Variants in SLFN5 observed in about 807,000 individuals in gnomAD.
SLFN5 encodes the protein schlafen family member 5.
In SLFN5, 34 loss-of-function variants were observed where a neutral mutation model predicts 48.5. The ratio of observed to expected loss-of-function variants is 0.70; its 90% CI spans 0.53 to 0.93. The LOEUF (loss-of-function observed/expected upper bound fraction) is 0.93. Ranked by LOEUF, SLFN5 falls within the 40% of genes least tolerant of loss-of-function variation. The probability of loss-of-function intolerance (pLI) is 0.00; values close to 1 mark genes in which losing one functional copy is unlikely to be tolerated. For synonymous variants in SLFN5, 387 were observed against 396.2 expected (o/e 0.98, Z 0.28); for missense variants, 1,006 against 1,071.3 (o/e 0.94, Z 0.85).
At position 35,265,941 on chromosome 17, in the gene SLFN5, G is replaced by A; in HGVS notation, c.*53G>A. On this transcript the variant is annotated 3_prime_UTR_variant, in exon 5 of 5. Coordinates refer to ENST00000299977, the MANE Select transcript of SLFN5 (RefSeq NM_144975.4). ...AAGTGGTTCTCATCTCTAATTAACT[G>A]TGAAACCATTTAATCCAAACATGTA... 6.7e-7 allele frequency: 1 copy of A among 1,501,966 alleles called. No individual in the cohort carries two copies. 93.0% of individuals were successfully genotyped at this position (1,501,966 alleles called of 1,614,324 possible).
chr17:35,249,172 G>A (rs544580331), intron 1 of SLFN5, among the ~76,000 whole-genome samples: 2 of 152,122 alleles, frequency 1.3e-5, no homozygotes, highest in East Asian at 1.9e-4. Context: ...CATGAAATTG[G>A]AGACTTAATT....
intron 1 of SLFN5, among the ~76,000 whole-genome samples, chr17:35,251,622 G>T (rs1367444176): frequency 6.6e-6 from 1 of 150,440 alleles, no homozygotes; most frequent in South Asian, 2.1e-4. Context: ...AGCCAGGATG[G>T]TCTCAATCTC....
At position 35,265,713 on chromosome 17, in the gene SLFN5, A is replaced by G. The variant is rs763894131; in HGVS notation, c.2501A>G (p.Asp834Gly). 2 of 1,614,086 alleles carry G rather than the reference A, an allele frequency of 1.2e-6. No individual in the cohort carries two copies. The highest frequency in any genetic ancestry group is 2.2e-5 in the East Asian group (1 of 44,888). ...DLLLQIGDASDVLTDHIVLDS... is the reference protein window; with the variant it reads ...DLLLQIGDASGVLTDHIVLDS... ...TTACTACAGATCGGTGATGCGTCGGATGTTCTAACCGATCACATTGTGTTG... is the reference window on the plus strand; with the variant it reads ...TTACTACAGATCGGTGATGCGTCGGGTGTTCTAACCGATCACATTGTGTTG... Residue 834 changes from aspartate (D) to glycine (G), a missense_variant, in exon 5 of 5, where the codon GAT becomes GGT. Coordinates refer to ENST00000299977, the MANE Select transcript of SLFN5 (RefSeq NM_144975.4).
chr17:35,257,393 C>G (rs1163771182), intron 1 of SLFN5, among the ~76,000 whole-genome samples: 1 of 152,160 alleles, frequency 6.6e-6, no homozygotes. Context: ...CACCAAGGAC[C>G]TGCCATTCCA....
intron 1 of SLFN5, among the ~76,000 whole-genome samples, chr17:35,246,260 A>AT (rs764171637): frequency 2.6e-5 from 4 of 152,128 alleles, no homozygotes; most frequent in Non-Finnish European, 5.9e-5. Context: ...ATTTGCAAAT[A>AT]CCTTCTTCCA....
intron 1 of SLFN5, among the ~76,000 whole-genome samples, chr17:35,258,261 TCA>T (rs1202731199): frequency 2.0e-5 from 3 of 152,202 alleles, no homozygotes; most frequent in African/African-American, 7.2e-5. Context: ...TTTAATGGAC[TCA>T]CAGTTCCACA....
chr17:35,270,681 C>T lies in SLFN5; in HGVS notation c.*4793C>T, dbSNP rs1904809282. On this transcript the variant is annotated 3_prime_UTR_variant, in exon 5 of 5. Transcript: ENST00000299977. Reference sequence around the variant, plus strand: ...GGCACTGCTGGCTTTTTGGGCTGGACAACCATTTATTGTGAGAGGCTTCTC... The same window carrying T: ...GGCACTGCTGGCTTTTTGGGCTGGATAACCATTTATTGTGAGAGGCTTCTC... 1 of 152,220 alleles carries T rather than the reference C, an allele frequency of 6.6e-6. No homozygotes were observed. Among genetic ancestry groups the T allele is most frequent in the Admixed American group, 6.5e-5 (1 of 15,272 alleles). The allele number at this position is 152,220 out of a possible 1,614,324, so 9.4% of individuals were successfully genotyped here.
chr17:35,250,532 C>T (rs986480690), intron 1 of SLFN5, among the ~76,000 whole-genome samples: 2 of 151,982 alleles, frequency 1.3e-5, no homozygotes, highest in African/African-American at 4.8e-5. Context: ...TGGTGGCGGG[C>T]GCCTGTAGTC....
At chr17:35,245,972 C>T (rs966414561) in intron 1 of SLFN5, among the ~76,000 whole-genome samples, 1 of 152,134 alleles carries the variant, frequency 6.6e-6, no homozygotes, top group African/African-American at 2.4e-5. Flanking sequence ...GAGTATATGA[C>T]GATGCCCATT....
At chr17:35,264,983 A>G (rs1904632753) in intron 4 of SLFN5, 80 bp downstream of exon 4, 2 of 1,535,654 alleles carry the variant, frequency 1.3e-6, no homozygotes, top group East Asian at 2.2e-5. Context: ...GCTAAAATTC[A>G]TATTGTATTT....
rs1904814667 is a variant in SLFN5, at chr17:35,270,856, G to A, written c.*4968G>A. On this transcript the variant is annotated 3_prime_UTR_variant, in exon 5 of 5. Coordinates refer to ENST00000299977, the MANE Select transcript of SLFN5 (RefSeq NM_144975.4). ...GACATCGCCAAATGTCCCTTGGGGG[G>A]TAAAATCACCACCACCATACCTCTT... is the stretch of plus-strand genomic sequence containing the variant. 1 of 152,128 alleles carries A rather than the reference G, an allele frequency of 6.6e-6. No homozygotes were observed. Among genetic ancestry groups the A allele is most frequent in the Admixed American group, 6.5e-5 (1 of 15,276 alleles). The allele number at this position is 152,128 out of a possible 1,614,324, so 9.4% of individuals were successfully genotyped here.
chr17:35,258,308 G>A (rs1027506988), intron 1 of SLFN5, among the ~76,000 whole-genome samples: 2 of 152,170 alleles, frequency 1.3e-5, no homozygotes, highest in Non-Finnish European at 2.9e-5. Flanking sequence ...GGTGGACGGT[G>A]AAAGGCACGT....
At position 35,243,289 on chromosome 17, in the gene SLFN5, C is replaced by G. The variant is rs981485039; in HGVS notation, c.-41+146C>G. 103 of 152,434 alleles carry G rather than the reference C, an allele frequency of 6.8e-4. 1 individual carries two copies. Among genetic ancestry groups the G allele is most frequent in the African/African-American group, 2.4e-3 (101 of 41,572 alleles). The allele number at this position is 152,434 out of a possible 1,614,324, so 9.4% of individuals were successfully genotyped here. The stretch of plus-strand genomic sequence containing the variant: ...GGCGCTGCCGGGAGAGAGTCTTTCC[C>G]GCTGGGGAGATTTAGTTTGTTGACT... On this transcript the variant is annotated intron_variant, in intron 1 of 4. Transcript: ENST00000299977.
At chr17:35,261,163 A>T in intron 3 of SLFN5, 67 bp downstream of exon 3, 2 of 1,563,982 alleles carry the variant, frequency 1.3e-6, no homozygotes, top group South Asian at 2.3e-5. Context: ...ATTGACTCCT[A>T]CTTTATATTA....
In SLFN5 at chr17:35,258,713, A is replaced by T; in HGVS notation, c.23A>T (p.Asp8Val). The T allele has an allele frequency of 6.2e-7, 1 of 1,613,884 alleles. No individual in the cohort carries two copies. Among genetic ancestry groups the T allele is most frequent in the Non-Finnish European group, 8.5e-7 (1 of 1,179,870 alleles). MSLRIDV[D>V]TNFPECVVDA... ...AAGATGAGTCTTAGGATTGATGTGG[A>T]TACAAACTTTCCTGAGTGTGTTGTA... Residue 8 changes from aspartate (D) to valine (V), a missense_variant, in exon 2 of 5, where the codon GAT becomes GTT. By Grantham distance (152) the Asp-to-Val change is radical (BLOSUM62 -3). Coordinates refer to ENST00000299977, the MANE Select transcript of SLFN5 (RefSeq NM_144975.4).
At position 35,265,373 on chromosome 17, in the gene SLFN5, T is replaced by C; in HGVS notation, c.2161T>C (p.Tyr721His). The change falls in exon 5 of 5, where the codon TAC becomes CAC. Residue 721 changes from tyrosine (Y) to histidine (H), a missense_variant. By Grantham distance (83) the Tyr-to-His change is moderately conservative (BLOSUM62 2). Coordinates refer to ENST00000299977, the MANE Select transcript of SLFN5 (RefSeq NM_144975.4). ...CCGCAATGCAGGTCCAATAGCTAAT[T>C]ACCTACAACAAGTAATGCAGGAAGC... ...VVRNAGPIAN[Y>H]LQQVMQEARQ... 3 of 1,614,124 alleles carry C rather than the reference T, an allele frequency of 1.9e-6. No individual in the cohort carries two copies. The highest frequency in any genetic ancestry group is 2.5e-6 in the Non-Finnish European group (3 of 1,180,030).
At position 35,260,955 on chromosome 17, in the gene SLFN5, G is replaced by A; in HGVS notation, c.1013-16G>A. 6.2e-7 allele frequency: 1 copy of A among 1,612,528 alleles called. No homozygotes were observed. The highest frequency in any genetic ancestry group is 8.5e-7 in the Non-Finnish European group (1 of 1,179,188). ...TGCCTTTTTGCATATTGAATCCTTG[G>A]TTCTTGTTTCCTAAGACCTTTCCAG... On this transcript the variant is annotated splice_polypyrimidine_tract_variant and intron_variant, in intron 2 of 4. Coordinates refer to ENST00000299977, the MANE Select transcript of SLFN5 (RefSeq NM_144975.4).
chr17:35,264,023 G>A (rs1332954795), intron 3 of SLFN5, among the ~76,000 whole-genome samples, 160 bp from the exon 4 acceptor site: 2 of 151,768 alleles, frequency 1.3e-5, no homozygotes, highest in Non-Finnish European at 1.5e-5. Context: ...GCTAATTAGC[G>A]CCCCATCAAA....
In SLFN5 at chr17:35,266,177, T is replaced by TGTGTGTGTGTGTGCGCGCGC. The variant is rs35160124; in HGVS notation, c.*290_*291insTGTGTGTGTGTGCGCGCGCG. ...GTGTGTGTGTGTGTGTGTGTGTGTGTGCGCGCGCGCACGTGCACATGTGTG... is the reference window on the plus strand; with the variant it reads ...GTGTGTGTGTGTGTGTGTGTGTGTGTGTGTGTGTGTGTGCGCGCGCGCGCGCGCGCACGTGCACATGTGTG... On this transcript the variant is annotated 3_prime_UTR_variant, in exon 5 of 5. Coordinates refer to ENST00000299977, the MANE Select transcript of SLFN5 (RefSeq NM_144975.4). The TGTGTGTGTGTGTGCGCGCGC allele has an allele frequency of 4.6e-5, 8 of 173,426 alleles. No individual in the cohort carries two copies. Among genetic ancestry groups the TGTGTGTGTGTGTGCGCGCGC allele is most frequent in the Admixed American group, 1.2e-4 (2 of 16,464 alleles). 10.7% of individuals were successfully genotyped at this position (173,426 alleles called of 1,614,324 possible).
Sources: allele counts gnomAD v4.1 joint callset (sites outside exome capture counted in the v4.1 genomes callset), GRCh38; gene constraint gnomAD v4.1.1; transcripts MANE v1.5; gene names NCBI Gene and HGNC (gene_info 2026-07-23, HGNC 2026-07-21).